The following A2ML1 variants were observed in gnomAD, a reference collection of about 807,000 sequenced individuals.
A2ML1 encodes alpha-2-macroglobulin like 1.
A2ML1 carries 161 observed loss-of-function variants against 181.9 expected under a neutral mutation model. The ratio of observed to expected loss-of-function variants is 0.89; its 90% CI spans 0.78 to 1.01. The LOEUF (loss-of-function observed/expected upper bound fraction) is 1.01. A2ML1 is among the 50% of genes least tolerant of loss of function. The pLI, the probability that A2ML1 is intolerant of heterozygous loss-of-function variation, is 0.00. For synonymous variants in A2ML1, 663 were observed against 666.8 expected (o/e 0.99, Z 0.09); for missense variants, 1,670 against 1,768.1 (o/e 0.94, Z 1.00).
intron 8 of A2ML1, among the ~76,000 whole-genome samples, chr12:8,837,946 C>G (rs1049861938): frequency 6.9e-6 from 1 of 145,162 alleles, no homozygotes; most frequent in African/African-American, 2.5e-5. Context: ...AAGGAAGCAA[C>G]AATCTAGAAA....
chr12:8,838,304 C>T (rs1478668451), intron 8 of A2ML1, 32 bp from the exon 9 acceptor site: 4 of 1,448,270 alleles, frequency 2.8e-6, no homozygotes, highest in Middle Eastern at 1.8e-4. Flanking sequence ...TCCTCATCTG[C>T]TCTCTATCTC....
Position 8,863,334 on chromosome 12 carries a change from G to A in A2ML1, c.3503-460G>A, listed in dbSNP as rs111290503. 5.7e-3 allele frequency among the ~76,000 whole-genome samples: 872 copies of A among 152,142 alleles called. 9 individuals are homozygous for A. The highest frequency in any genetic ancestry group is 0.02 in the African/African-American group (826 of 41,512). ...TTGGTCAGGCTGGTCTCAAACTCCC[G>A]ACCTCAGGTGATCCACCCGCCTCGG... On this transcript the variant is annotated intron_variant, in intron 28 of 35. Coordinates refer to ENST00000299698, the MANE Select transcript of A2ML1 (RefSeq NM_144670.6).
chr12:8,861,382 C>T, intron 28 of A2ML1, 85 bp downstream of exon 28: 1 of 1,435,424 alleles, frequency 7.0e-7, no homozygotes, highest in South Asian at 1.3e-5. Context: ...CTCTGTCCCA[C>T]ACATGTACTC....
At position 8,861,259 on chromosome 12, in the gene A2ML1, TTC is replaced by T. The variant is rs761067919; in HGVS notation, c.3467_3468del (p.Leu1156ProfsTer2). 1 of 1,614,122 alleles carries T rather than the reference TTC, an allele frequency of 6.2e-7. No individual in the cohort carries two copies. The highest frequency in any genetic ancestry group is 2.2e-5 in the East Asian group (1 of 44,872). ...GCTGGGGAAATGGACATCAGAAACA[TTC>T]TCCTTAAACAGTTAGATCAACAGGC... On this transcript the variant is annotated frameshift_variant, in exon 28 of 36. Coordinates refer to ENST00000299698, the MANE Select transcript of A2ML1 (RefSeq NM_144670.6). LOFTEE classifies it high-confidence loss of function.
chr12:8,829,798 A>G lies in A2ML1; in HGVS notation c.462+19A>G, dbSNP rs146626968. On this transcript the variant is annotated intron_variant, in intron 4 of 35. Coordinates refer to ENST00000299698, the MANE Select transcript of A2ML1 (RefSeq NM_144670.6). Reference sequence around the variant, plus strand: ...TGACAAGGTGAGTTGGGAGGAGGAGAAGGAGTGGCGCAGGGAGAACAGGGA... The same window carrying G: ...TGACAAGGTGAGTTGGGAGGAGGAGGAGGAGTGGCGCAGGGAGAACAGGGA... 65 of 1,613,640 alleles carry G rather than the reference A, an allele frequency of 4.0e-5. No individual in the cohort carries two copies. The East Asian group carries it at 1.3e-3, about 32-fold the overall frequency.
downstream of A2ML1, among the ~76,000 whole-genome samples, chr12:8,880,194 T>A (rs907566239): frequency 8.0e-6 from 1 of 125,004 alleles, no homozygotes; most frequent in Non-Finnish European, 1.7e-5. Flanking sequence ...TGAAACCTCG[T>A]CTGTAGTAAA....
intron 16 of A2ML1, 106 bp from the exon 17 acceptor site, chr12:8,849,563 A>C (rs1049621624): frequency 1.0e-6 from 1 of 954,714 alleles, no homozygotes; most frequent in African/African-American, 1.6e-5. Context: ...CCATTAATTC[A>C]AAAAGAATGT....
At chr12:8,835,250 T>C (rs1321258083) in intron 5 of A2ML1, among the ~76,000 whole-genome samples, 1 of 152,204 alleles carries the variant, frequency 6.6e-6, no homozygotes, top group East Asian at 1.9e-4. Flanking sequence ...GATAACACTT[T>C]AGAGGGCTCA....
chr12:8,860,733 G>A lies in A2ML1; in HGVS notation c.3265-148G>A, dbSNP rs17802465. 85,193 of 677,350 alleles carry A rather than the reference G, an allele frequency of 0.13. 5,707 individuals carry two copies. The highest frequency in any genetic ancestry group is 0.17 in the South Asian group (8,972 of 52,448). 42.0% of individuals were successfully genotyped at this position (677,350 alleles called of 1,614,324 possible). Reference sequence around the variant, plus strand: ...TGTGTCCTGGAGGCTTGGAGCTGCAGAAAGCCTGTGGAAAAAAGAGCTTTC... The same window carrying A: ...TGTGTCCTGGAGGCTTGGAGCTGCAAAAAGCCTGTGGAAAAAAGAGCTTTC... On this transcript the variant is annotated intron_variant, in intron 26 of 35. Transcript: ENST00000299698.
intron 13 of A2ML1, 74 bp downstream of exon 13, chr12:8,845,576 G>A (rs1205649711): frequency 2.0e-6 from 3 of 1,494,282 alleles, no homozygotes; most frequent in South Asian, 2.3e-5. Context: ...GGCCAGGCGC[G>A]GTGGCTCATG....
At chr12:8,859,904 A>T (rs748274477) in intron 26 of A2ML1, among the ~76,000 whole-genome samples, 14 of 152,208 alleles carry the variant, frequency 9.2e-5, no homozygotes, top group Admixed American at 2.6e-4. Context: ...CAGTCCATTG[A>T]GAAATCCATC....
At chr12:8,836,480 C>CTT in intron 7 of A2ML1, 141 bp downstream of exon 7, 1 of 528,484 alleles carries the variant, frequency 1.9e-6, no homozygotes, top group Non-Finnish European at 3.2e-6. Flanking sequence ...TTATCCAAGA[C>CTT]CTTTTTTTTT....
intron 33 of A2ML1, among the ~76,000 whole-genome samples, chr12:8,872,759 G>C (rs1846462622): frequency 6.7e-6 from 1 of 148,862 alleles, no homozygotes; most frequent in Non-Finnish European, 1.5e-5. Flanking sequence ...ACTCTAGCCT[G>C]GGCAACAGAG....
chr12:8,880,267 G>A (rs1377800678), downstream of A2ML1, among the ~76,000 whole-genome samples: 1 of 152,194 alleles, frequency 6.6e-6, no homozygotes, highest in Non-Finnish European at 1.5e-5. Context: ...TTGGGAGGCT[G>A]AGGCATGAGA....
downstream of A2ML1, among the ~76,000 whole-genome samples, chr12:8,879,387 A>T (rs1944847415): frequency 6.6e-6 from 1 of 151,814 alleles, no homozygotes; most frequent in East Asian, 1.9e-4. Flanking sequence ...GCTACTCGGG[A>T]GGCTGAGGCA....
At chr12:8,848,476 G>T (rs754499945) in intron 15 of A2ML1, among the ~76,000 whole-genome samples, 20 of 151,176 alleles carry the variant, frequency 1.3e-4, no homozygotes, top group Non-Finnish European at 2.8e-4. Context: ...GCAAGACTCC[G>T]TCTCAAAAAA....
intron 12 of A2ML1, chr12:8,845,194 CT>C: frequency 6.5e-7 from 1 of 1,534,602 alleles, no homozygotes; most frequent in Non-Finnish European, 8.7e-7. Flanking sequence ...AATTTCTATG[CT>C]GTCAGACTCC....
chr12:8,882,512 C>G (rs1565500884), intron 7 of A2ML1, among the ~76,000 whole-genome samples: 1 of 152,198 alleles, frequency 6.6e-6, no homozygotes, highest in African/African-American at 2.4e-5. Flanking sequence ...TATCATATCT[C>G]ATCCAGACTG....
rs751552347 is a variant in A2ML1, at chr12:8,857,507, G to A, written c.3026G>A (p.Gly1009Glu). Residue 1009 changes from glycine (G) to glutamate (E), a missense_variant and splice_region_variant, in exon 25 of 36, where the codon GGG (glycine) becomes GAG (glutamate). Transcript: ENST00000299698. ...TCTAAAACCACATTTGGCTTCCCAG[G>A]GTACCAGAAGGAGCTGATGTACAAA... ...RSRAVGFLEI[G>E]YQKELMYKHS... is the part of the protein sequence containing the mutation. 65 of 1,611,998 alleles carry A rather than the reference G, an allele frequency of 4.0e-5. No individual in the cohort carries two copies. Among genetic ancestry groups the A allele is most frequent in the Non-Finnish European group, 5.3e-5 (62 of 1,179,170 alleles).
Sources: gnomAD v4.1 joint callset for allele counts (sites outside exome capture counted in the v4.1 genomes callset) on GRCh38, gnomAD v4.1.1 for gene constraint, MANE v1.5 for transcripts, NCBI Gene and HGNC (gene_info 2026-07-23, HGNC 2026-07-21) for gene names.